Variants in ZBTB8A observed in about 807,000 individuals in gnomAD.
ZBTB8A encodes zinc finger and BTB domain-containing protein 8A.
Under a neutral mutation model 37.8 loss-of-function variants are expected in ZBTB8A, and 19 were observed. The ratio of observed to expected loss-of-function variants is 0.50; its 90% CI spans 0.35 to 0.74. ZBTB8A has a LOEUF of 0.74. ZBTB8A is among the 30% of genes least tolerant of loss of function. The pLI is 0.01. For missense variants in ZBTB8A, 394 were observed against 537.8 expected (o/e 0.73, Z 2.65); for synonymous variants, 181 against 185.2 (o/e 0.98, Z 0.19).
At chr1:32,599,840 T>C (rs1423244980) in intron 4 of ZBTB8A, among the ~76,000 whole-genome samples, 1 of 152,152 alleles carries the variant, frequency 6.6e-6, no homozygotes, top group African/African-American at 2.4e-5. Context: ...GATTAAGGGA[T>C]AGGTGAAATT....
chr1:32,548,198 C>T (rs1644122256), intron 1 of ZBTB8A, among the ~76,000 whole-genome samples: 1 of 147,822 alleles, frequency 6.8e-6, no homozygotes, highest in Non-Finnish European at 1.5e-5. Context: ...CTGCAATTGA[C>T]TAGTTGGAGT....
chr1:32,547,354 T>C (rs1644113798), intron 1 of ZBTB8A, among the ~76,000 whole-genome samples: 2 of 140,724 alleles, frequency 1.4e-5, no homozygotes, highest in South Asian at 4.4e-4. Context: ...TTTTCTTTCT[T>C]TTTTTTTTTT....
At chr1:32,587,773 C>T (rs968503280) in intron 2 of ZBTB8A, among the ~76,000 whole-genome samples, 2 of 151,982 alleles carry the variant, frequency 1.3e-5, no homozygotes, top group African/African-American at 4.8e-5. Context: ...GGCTGGCTGG[C>T]AGCCTCTAGG....
intron 1 of ZBTB8A, among the ~76,000 whole-genome samples, chr1:32,544,008 C>T (rs1644080988): frequency 6.6e-6 from 1 of 152,192 alleles, no homozygotes; most frequent in Non-Finnish European, 1.5e-5. Context: ...ATCTCACTGT[C>T]ACCCATACTG....
chr1:32,555,946 G>A (rs1372395488), intron 2 of ZBTB8A, among the ~76,000 whole-genome samples: 4 of 150,180 alleles, frequency 2.7e-5, no homozygotes, highest in Admixed American at 6.6e-5. Context: ...ACTTGTCTGT[G>A]TGCCCAGGCT....
intron 2 of ZBTB8A, among the ~76,000 whole-genome samples, chr1:32,570,017 T>C (rs1644313009): frequency 6.6e-6 from 1 of 152,212 alleles, no homozygotes; most frequent in Non-Finnish European, 1.5e-5. Context: ...GCTTTTACCA[T>C]GATGTTTTTC....
chr1:32,542,465 T>C (rs1372752761), intron 1 of ZBTB8A, among the ~76,000 whole-genome samples: 15 of 152,024 alleles, frequency 9.9e-5, no homozygotes, highest in Non-Finnish European at 2.9e-5. Flanking sequence ...TCACAACTAC[T>C]CGGGAGGCTG....
intron 2 of ZBTB8A, among the ~76,000 whole-genome samples, chr1:32,571,867 G>A (rs1303176345): frequency 6.6e-6 from 1 of 152,032 alleles, no homozygotes; most frequent in African/African-American, 2.4e-5. Context: ...GTGAACCACT[G>A]CGCCCGGCCA....
chr1:32,588,983 C>CA lies in ZBTB8A; in HGVS notation c.-1-3938dup, dbSNP rs369219794. Among the ~76,000 whole-genome samples, 323 of 145,176 alleles carry CA rather than the reference C, an allele frequency of 2.2e-3. 6 individuals carry two copies. The highest frequency in any genetic ancestry group is 3.4e-3 in the Middle Eastern group (1 of 290). The stretch of plus-strand genomic sequence containing the variant: ...TGGGTGACAGAGTGAGACTCTATCT[C>CA]AAAAAAAAAAGTGGTTTTGATGGAT... On this transcript the variant is annotated intron_variant, in intron 2 of 4. Coordinates refer to ENST00000373510, the MANE Select transcript of ZBTB8A (RefSeq NM_001040441.3).
intron 2 of ZBTB8A, among the ~76,000 whole-genome samples, chr1:32,575,050 CA>C (rs1211265798): frequency 1.3e-5 from 2 of 152,038 alleles, no homozygotes; most frequent in African/African-American, 4.8e-5. Context: ...GCTGGGATTA[CA>C]GGCGTGAGCC....
intron 2 of ZBTB8A, among the ~76,000 whole-genome samples, chr1:32,582,463 C>T (rs569723735): frequency 6.6e-6 from 1 of 151,980 alleles, no homozygotes; most frequent in African/African-American, 2.4e-5. Flanking sequence ...GCCTGACAAA[C>T]ATGAAGAAAC....
At chr1:32,595,014 A>G (rs1202510696) in intron 3 of ZBTB8A, 40 bp from the exon 4 acceptor site, 3 of 1,568,996 alleles carry the variant, frequency 1.9e-6, no homozygotes, top group Non-Finnish European at 2.6e-6. Flanking sequence ...TAGAATTGTT[A>G]TGAACTTTCC....
At chr1:32,555,887 C>T (rs1409163094) in intron 2 of ZBTB8A, among the ~76,000 whole-genome samples, 3 of 151,242 alleles carry the variant, frequency 2.0e-5, no homozygotes, top group African/African-American at 7.3e-5. Context: ...TTTCTTGTTT[C>T]AAATTTAAAA....
At chr1:32,582,642 A>T (rs72652188) in intron 2 of ZBTB8A, among the ~76,000 whole-genome samples, 11,357 of 144,640 alleles carry the variant, frequency 0.079, 396 homozygotes, top group African/African-American at 0.1. Flanking sequence ...AAACTCTCTC[A>T]AAAAAAAAAA....
At chr1:32,594,921 G>A (rs1207331483) in intron 3 of ZBTB8A, 133 bp from the exon 4 acceptor site, 1 of 996,000 alleles carries the variant, frequency 1.0e-6, no homozygotes, top group Non-Finnish European at 1.4e-6. Flanking sequence ...AACTCCTTGT[G>A]AATTCTTTTT....
intron 2 of ZBTB8A, among the ~76,000 whole-genome samples, chr1:32,568,206 A>G (rs924575942): frequency 6.6e-6 from 1 of 152,140 alleles, no homozygotes; most frequent in Admixed American, 6.6e-5. Flanking sequence ...TAAATGTACA[A>G]TTTAATGTTC....
intron 2 of ZBTB8A, among the ~76,000 whole-genome samples, chr1:32,586,407 G>T (rs1644449889): frequency 6.6e-6 from 1 of 152,138 alleles, no homozygotes; most frequent in Non-Finnish European, 1.5e-5. Flanking sequence ...TCTAAGAGCT[G>T]TTCAAGGAGC....
intron 2 of ZBTB8A, among the ~76,000 whole-genome samples, chr1:32,582,961 A>T (rs1644418913): frequency 6.6e-6 from 1 of 152,202 alleles, no homozygotes; most frequent in South Asian, 2.1e-4. Flanking sequence ...TATATATTAA[A>T]CATGGAAGAA....
intron 1 of ZBTB8A, among the ~76,000 whole-genome samples, chr1:32,540,957 C>T (rs1557697953): frequency 6.6e-6 from 1 of 152,230 alleles, no homozygotes; most frequent in Non-Finnish European, 1.5e-5. Context: ...GGCCACACCA[C>T]TAACCCTTAT....
Sources: allele counts gnomAD v4.1 joint callset (sites outside exome capture counted in the v4.1 genomes callset), GRCh38; gene constraint gnomAD v4.1.1; transcripts MANE v1.5; gene names NCBI Gene and HGNC (gene_info 2026-07-23, HGNC 2026-07-21).